Variants in GLDC observed in about 807,000 individuals in gnomAD.
GLDC encodes the protein glycine dehydrogenase (decarboxylating), mitochondrial.
Under a neutral mutation model 121.3 loss-of-function variants are expected in GLDC, and 104 were observed. The observed-to-expected ratio is 0.86, with a 90% confidence interval of 0.73 to 1.01. The LOEUF is 1.01. Ranked by LOEUF, GLDC falls within the 50% of genes least tolerant of loss-of-function variation. The pLI, the probability that GLDC is intolerant of heterozygous loss-of-function variation, is 0.00. For synonymous variants in GLDC, 546 were observed against 480.6 expected, an observed-to-expected ratio of 1.14 and a Z score of -1.78; for missense variants, 1,429 against 1,306.6, an observed-to-expected ratio of 1.09 and a Z score of -1.44.
chr9:6,575,601 G>C (rs1254608003), intron 15 of GLDC, among the ~76,000 whole-genome samples: 1 of 152,222 alleles, frequency 6.6e-6, no homozygotes, highest in Non-Finnish European at 1.5e-5. Context: ...TTCCCATGAA[G>C]GAGATTCTGG....
At position 6,620,205 on chromosome 9, in the gene GLDC, T is replaced by C. The variant is rs386833578; in HGVS notation, c.449A>G (p.Asn150Ser). 5 of 1,613,340 alleles carry C rather than the reference T, an allele frequency of 3.1e-6. No homozygotes were observed. The highest frequency in any genetic ancestry group is 4.2e-6 in the Non-Finnish European group (5 of 1,179,848). ...TTACCATCCTGAGTTCTCCAGTAAG[T>C]TCCGCAAAATCGTCTGTGGCACTGA... The part of the protein sequence containing the change: ...NCSVPQTILR[N>S]LLENSGWITQ... The change falls in exon 3 of 25, where the codon AAC becomes AGC. Residue 150 changes from asparagine (N) to serine (S), a missense_variant. Transcript: ENST00000321612.
chr9:6,613,803 G>C (rs980412843), intron 3 of GLDC, among the ~76,000 whole-genome samples: 1 of 151,952 alleles, frequency 6.6e-6, no homozygotes, highest in Non-Finnish European at 1.5e-5. Flanking sequence ...TTTAGATAGA[G>C]TCTTGCTCTG....
chr9:6,558,498 C>G (rs2129734428), intron 17 of GLDC, 61 bp downstream of exon 17: 10 of 1,588,862 alleles, frequency 6.3e-6, no homozygotes, highest in Non-Finnish European at 8.6e-6. Flanking sequence ...CATCAAGTCC[C>G]TGATCCCCAC....
At chr9:6,597,311 C>A (rs1818510048) in intron 8 of GLDC, among the ~76,000 whole-genome samples, 1 of 152,150 alleles carries the variant, frequency 6.6e-6, no homozygotes. Flanking sequence ...GATAGTTGCA[C>A]AACCTTGTAA....
At chr9:6,580,719 T>C (rs549527374) in intron 15 of GLDC, among the ~76,000 whole-genome samples, 9 of 152,332 alleles carry the variant, frequency 5.9e-5, no homozygotes, top group African/African-American at 2.2e-4. Flanking sequence ...TTGGCTTCTG[T>C]GCACATCAGG....
At chr9:6,534,677 C>T (rs1000403963) in intron 24 of GLDC, 31 bp downstream of exon 24, 16 of 1,242,904 alleles carry the variant, frequency 1.3e-5, no homozygotes, top group African/African-American at 8.9e-5. Context: ...CATGCCTTCC[C>T]AGCTGGCACA....
intron 2 of GLDC, among the ~76,000 whole-genome samples, chr9:6,628,330 T>G (rs987801372): frequency 2.6e-5 from 4 of 152,144 alleles, no homozygotes; most frequent in African/African-American, 9.7e-5. Flanking sequence ...AAAACTAGAT[T>G]TTCCCCCCAG....
At chr9:6,550,612 GCAA>G (rs1364902726) in intron 21 of GLDC, among the ~76,000 whole-genome samples, 188 bp downstream of exon 21, 2 of 152,156 alleles carry the variant, frequency 1.3e-5, no homozygotes, top group African/African-American at 2.4e-5. Flanking sequence ...GGGTGACAGA[GCAA>G]GACTCTATCT....
At chr9:6,635,044 C>T (rs1381658804) in intron 2 of GLDC, among the ~76,000 whole-genome samples, 7 of 152,152 alleles carry the variant, frequency 4.6e-5, no homozygotes, top group Admixed American at 2.6e-4. Flanking sequence ...GTCTATTCAC[C>T]GTCCCTCAAA....
intron 2 of GLDC, among the ~76,000 whole-genome samples, chr9:6,641,962 T>C (rs1231420160): frequency 1.3e-5 from 2 of 152,202 alleles, no homozygotes; most frequent in African/African-American, 4.8e-5. Context: ...GAAATGCTAC[T>C]ACCAGAGCTT....
intron 9 of GLDC, 72 bp from the exon 10 acceptor site, chr9:6,593,062 T>A: frequency 6.6e-7 from 1 of 1,514,032 alleles, no homozygotes; most frequent in East Asian, 2.3e-5. Context: ...TGTCACAGAA[T>A]AATAAAGAGA....
At chr9:6,618,765 GAC>G (rs1353169097) in intron 3 of GLDC, among the ~76,000 whole-genome samples, 1 of 151,808 alleles carries the variant, frequency 6.6e-6, no homozygotes, top group Middle Eastern at 3.4e-3. Flanking sequence ...TGGATGGACA[GAC>G]ACACACACAC....
At chr9:6,635,703 A>G (rs548065489) in intron 2 of GLDC, among the ~76,000 whole-genome samples, 1 of 151,702 alleles carries the variant, frequency 6.6e-6, no homozygotes, top group South Asian at 2.1e-4. Context: ...TGAGACCCCC[A>G]TGTCTACAAA....
chr9:6,636,303 CA>C (rs199905592), intron 2 of GLDC, among the ~76,000 whole-genome samples: 2,347 of 100,706 alleles, frequency 0.023, 53 homozygotes, highest in African/African-American at 0.074. Context: ...GACTCCGTCT[CA>C]AAAAAAAAAA....
chr9:6,629,210 G>T (rs1819309955), intron 2 of GLDC, among the ~76,000 whole-genome samples: 1 of 138,384 alleles, frequency 7.2e-6, no homozygotes, highest in Non-Finnish European at 1.5e-5. Flanking sequence ...TGATTTTGCT[G>T]TTAAATATTC....
At chr9:6,609,258 G>A (rs891279894) in intron 4 of GLDC, among the ~76,000 whole-genome samples, 1 of 152,160 alleles carries the variant, frequency 6.6e-6, no homozygotes, top group Non-Finnish European at 1.5e-5. Context: ...GAAATAATCA[G>A]AAGTTTTGAC....
At chr9:6,576,815 A>G (rs1178908020) in intron 15 of GLDC, among the ~76,000 whole-genome samples, 1 of 152,228 alleles carries the variant, frequency 6.6e-6, no homozygotes, top group Non-Finnish European at 1.5e-5. Context: ...CAAACATTCA[A>G]TCTATAGCAC....
intron 17 of GLDC, 102 bp from the exon 18 acceptor site, chr9:6,556,404 T>G (rs1391236274): frequency 1.0e-6 from 1 of 989,208 alleles, no homozygotes; most frequent in African/African-American, 1.6e-5. Context: ...AGATGAAGTC[T>G]CAGTCTTTAC....
intron 2 of GLDC, among the ~76,000 whole-genome samples, chr9:6,633,864 C>G (rs779758780): frequency 8.4e-6 from 1 of 118,370 alleles, no homozygotes; most frequent in African/African-American, 3.3e-5. Context: ...GAGTCTCACT[C>G]TGTCGCTCAG....
Sources: allele counts gnomAD v4.1 joint callset (sites outside exome capture counted in the v4.1 genomes callset), GRCh38; gene constraint gnomAD v4.1.1; transcripts MANE v1.5; gene names NCBI Gene and HGNC (gene_info 2026-07-23, HGNC 2026-07-21).